Variants in RASGRP1 observed in about 807,000 individuals in gnomAD.
RASGRP1 encodes the protein RAS guanyl-releasing protein 1.
RASGRP1 carries 37 observed loss-of-function variants against 95.1 expected under a neutral mutation model. The ratio of observed to expected loss-of-function variants is 0.39; its 90% CI spans 0.30 to 0.51. The LOEUF (loss-of-function observed/expected upper bound fraction) is 0.51, where lower values mean the gene tolerates loss of function less well. RASGRP1 is among the 20% of genes least tolerant of loss of function. The pLI is 0.80. For missense variants in RASGRP1, 711 were observed against 965.4 expected (o/e 0.74, Z 3.49); for synonymous variants, 325 against 353.4 (o/e 0.92, Z 0.90).
chr15:38,498,203 C>T (rs1402348646), intron 15 of RASGRP1, among the ~76,000 whole-genome samples: 1 of 152,146 alleles, frequency 6.6e-6, no homozygotes, highest in Non-Finnish European at 1.5e-5. Context: ...GGTCACCTTT[C>T]ACGCATAGGT....
At chr15:38,553,439 A>G (rs1893416921) in intron 2 of RASGRP1, among the ~76,000 whole-genome samples, 1 of 152,116 alleles carries the variant, frequency 6.6e-6, no homozygotes, top group South Asian at 2.1e-4. Context: ...ATATTGCCTT[A>G]CATAATCTGT....
Position 38,506,841 on chromosome 15 carries a change from A to G in RASGRP1, c.1242+885T>C, listed in dbSNP as rs1891280236. On this transcript the variant is annotated intron_variant, in intron 9 of 16. Transcript: ENST00000310803. ...GGGAAGAAGGTTCACAGCTTTCATC[A>G]CAAGATTTATAATCCAAAGAATGTT... Among the ~76,000 whole-genome samples, 3 of 152,284 alleles carry G rather than the reference A, an allele frequency of 2.0e-5. No individual in the cohort carries two copies. The South Asian group carries it at 6.2e-4, about 32-fold the overall frequency.
At position 38,547,718 on chromosome 15, in the gene RASGRP1, T is replaced by TAAATGTGGGTAATGTG. The variant is rs367733122; in HGVS notation, c.220+12102_220+12103insCACATTACCCACATTT. Among the ~76,000 whole-genome samples the TAAATGTGGGTAATGTG allele has an allele frequency of 8.4e-3, 1,283 of 152,330 alleles. 14 individuals carry two copies. Among genetic ancestry groups the TAAATGTGGGTAATGTG allele is most frequent in the African/African-American group, 0.029 (1,213 of 41,566 alleles). ...AAAACGGGCAAACAAGCCCCACATG[T>TAAATGTGGGTAATGTG]GGTAAATGGCAGACTCAGTGACTCA... On this transcript the variant is annotated intron_variant, in intron 2 of 16. Transcript: ENST00000310803.
chr15:38,501,327 G>C, intron 12 of RASGRP1, 40 bp from the exon 13 acceptor site: 1 of 1,607,500 alleles, frequency 6.2e-7, no homozygotes, highest in Non-Finnish European at 8.5e-7. Flanking sequence ...GAGTATAAGG[G>C]GCATGGAGGC....
chr15:38,550,484 T>C (rs1363711911), intron 2 of RASGRP1, among the ~76,000 whole-genome samples: 5 of 152,194 alleles, frequency 3.3e-5, no homozygotes, highest in Non-Finnish European at 5.9e-5. Context: ...AACTGAGTAC[T>C]CTTCTTTTCT....
chr15:38,547,598 C>G (rs1291384031), intron 2 of RASGRP1, among the ~76,000 whole-genome samples: 2 of 152,208 alleles, frequency 1.3e-5, no homozygotes, highest in Non-Finnish European at 2.9e-5. Flanking sequence ...GTCTCAGGAT[C>G]TGCTCCTGGG....
intron 2 of RASGRP1, among the ~76,000 whole-genome samples, chr15:38,538,562 T>C (rs531119414): frequency 6.6e-6 from 1 of 152,284 alleles, no homozygotes; most frequent in Admixed American, 6.5e-5. Flanking sequence ...CCTTTACGTA[T>C]ATTAACCCTG....
At chr15:38,500,908 G>A (rs1890990050) in intron 13 of RASGRP1, among the ~76,000 whole-genome samples, 1 of 152,136 alleles carries the variant, frequency 6.6e-6, no homozygotes, top group South Asian at 2.1e-4. Flanking sequence ...TCCTAATTCA[G>A]CATTTCTGGT....
At chr15:38,512,561 CT>C (rs1891577672) in intron 7 of RASGRP1, among the ~76,000 whole-genome samples, 1 of 152,164 alleles carries the variant, frequency 6.6e-6, no homozygotes, top group Non-Finnish European at 1.5e-5. Flanking sequence ...ATCCTGACCC[CT>C]GATATGGCCT....
intron 10 of RASGRP1, chr15:38,503,682 A>T (rs1020057828): frequency 1.1e-5 from 4 of 348,880 alleles, no homozygotes; most frequent in Admixed American, 4.8e-5. Context: ...GCTATCAACA[A>T]AGAGTAAAGT....
At chr15:38,541,271 G>A (rs535081834) in intron 2 of RASGRP1, among the ~76,000 whole-genome samples, 12 of 152,282 alleles carry the variant, frequency 7.9e-5, no homozygotes, top group East Asian at 3.9e-4. Context: ...GCCAGCGGGC[G>A]TCTAAATGAA....
At chr15:38,515,193 G>C (rs978793865) in intron 6 of RASGRP1, among the ~76,000 whole-genome samples, 20 of 152,186 alleles carry the variant, frequency 1.3e-4, no homozygotes, top group African/African-American at 4.6e-4. Flanking sequence ...GACTGAGAGA[G>C]GCATGTAGTC....
At chr15:38,524,203 T>C (rs1892106189) in intron 3 of RASGRP1, 1 of 151,694 alleles carries the variant, frequency 6.6e-6, no homozygotes, top group Admixed American at 6.6e-5. Flanking sequence ...CTAGGCAATA[T>C]AGTGAGACCC....
rs752121882 is a variant in RASGRP1, at chr15:38,516,191, A to G, written c.675+6T>C. ...AAGATTTTTCTCCTGCCCCTTGCAT[A>G]CATACCGATATCCTCCGGAAAGACT... On this transcript the variant is annotated splice_donor_region_variant and intron_variant, in intron 6 of 16. Coordinates refer to ENST00000310803, the MANE Select transcript of RASGRP1 (RefSeq NM_005739.4). 2.9e-5 allele frequency: 46 copies of G among 1,579,446 alleles called. No homozygotes were observed. Among genetic ancestry groups the G allele is most frequent in the Non-Finnish European group, 3.5e-5 (40 of 1,148,764 alleles).
At chr15:38,522,360 A>G (rs1286414559) in intron 3 of RASGRP1, among the ~76,000 whole-genome samples, 1 of 152,226 alleles carries the variant, frequency 6.6e-6, no homozygotes, top group South Asian at 2.1e-4. Context: ...ACGGTCATCT[A>G]TAAAGACCAG....
At chr15:38,547,462 C>T (rs1378799579) in intron 2 of RASGRP1, among the ~76,000 whole-genome samples, 1 of 152,166 alleles carries the variant, frequency 6.6e-6, no homozygotes, top group African/African-American at 2.4e-5. Flanking sequence ...CTGAAAAGAG[C>T]CTTCCACTCT....
At position 38,488,912 on chromosome 15, in the gene RASGRP1, G is replaced by A. The variant is rs1487764555; in HGVS notation, c.*1642C>T. ...TTTCTGAGTTTAAATTTGGAAAACG[G>A]TAAATACGTGTGTAAAACTATTCTT... is the stretch of plus-strand genomic sequence containing the variant. On this transcript the variant is annotated 3_prime_UTR_variant, in exon 17 of 17. Transcript: ENST00000310803. 1 of 151,976 alleles carries A rather than the reference G, an allele frequency of 6.6e-6. No homozygotes were observed. The highest frequency in any genetic ancestry group is 6.6e-5 in the Admixed American group (1 of 15,260). The allele number at this position is 151,976 out of a possible 1,614,324, so 9.4% of individuals were successfully genotyped here.
chr15:38,494,311 C>T, intron 16 of RASGRP1, 71 bp downstream of exon 16: 1 of 1,559,046 alleles, frequency 6.4e-7, no homozygotes, highest in South Asian at 1.1e-5. Context: ...CTTCAGTCCA[C>T]ATGCTCTTTC....
intron 15 of RASGRP1, among the ~76,000 whole-genome samples, chr15:38,497,053 T>A (rs1331223901): frequency 2.6e-5 from 4 of 152,218 alleles, no homozygotes; most frequent in Non-Finnish European, 5.9e-5. Context: ...ATAAACTCAT[T>A]TCTTATTTCC....
Sources: gnomAD v4.1 joint callset for allele counts (sites outside exome capture counted in the v4.1 genomes callset) on GRCh38, gnomAD v4.1.1 for gene constraint, MANE v1.5 for transcripts, NCBI Gene and HGNC (gene_info 2026-07-23, HGNC 2026-07-21) for gene names.